The following WNK2 variants were observed in gnomAD, a reference collection of about 807,000 sequenced individuals.
WNK2 encodes the protein serine/threonine-protein kinase WNK2.
In WNK2, 67 loss-of-function variants were observed where a neutral mutation model predicts 192.1. The ratio of observed to expected loss-of-function variants is 0.35; its 90% CI spans 0.29 to 0.43. The LOEUF is 0.43. Among genes scored for constraint, WNK2 ranks in the 20% least tolerant of loss-of-function variants. WNK2 has a pLI of 1.00. For missense variants in WNK2, 2,698 were observed against 3,089.7 expected (o/e 0.87, Z 3.01); for synonymous variants, 1,439 against 1,393.9 (o/e 1.03, Z -0.72).
intron 2 of WNK2, among the ~76,000 whole-genome samples, chr9:93,202,364 G>GTGTGTGTGTGTGTGTGTGTGTA (rs576221975): frequency 6.8e-5 from 10 of 146,076 alleles, no homozygotes; most frequent in African/African-American, 2.3e-4. Context: ...GTGTGTGTGT[G>GTGTGTGTGTGTGTGTGTGTGTA]TGTATGTCTC....
At chr9:93,317,698 T>C in intron 29 of WNK2, 67 bp downstream of exon 29, 3 of 1,555,966 alleles carry the variant, frequency 1.9e-6, no homozygotes, top group Non-Finnish European at 2.6e-6. Flanking sequence ...AGAGGCCTGC[T>C]CCCAGCTCCA....
At chr9:93,188,586 G>A (rs956923989) in intron 2 of WNK2, among the ~76,000 whole-genome samples, 1 of 152,204 alleles carries the variant, frequency 6.6e-6, no homozygotes, top group Non-Finnish European at 1.5e-5. Context: ...ATGGTAACAA[G>A]GAAGTAAAAC....
intron 2 of WNK2, among the ~76,000 whole-genome samples, chr9:93,198,931 C>A (rs1366076841): frequency 6.6e-6 from 1 of 152,184 alleles, no homozygotes; most frequent in Non-Finnish European, 1.5e-5. Context: ...TCGGGGCCTC[C>A]TCGGGTGTGA....
rs1175715204 is a variant in WNK2 at position 93,268,883 on chromosome 9, A to C, written c.4033+137A>C. 8 of 1,571,268 alleles carry C rather than the reference A, an allele frequency of 5.1e-6. No homozygotes were observed. In the East Asian group the frequency reaches 1.9e-4, roughly 37 times the overall value. ...CCCTGCCCTGTCTCCCATGGCGCAG[A>C]GCAGCCTGTGGGGCTGTGTTCCTAT... On this transcript the variant is annotated intron_variant, in intron 19 of 29. Transcript: ENST00000427277.
chr9:93,255,353 A>G (rs1472655730), intron 9 of WNK2, among the ~76,000 whole-genome samples: 2 of 152,184 alleles, frequency 1.3e-5, no homozygotes, highest in Non-Finnish European at 2.9e-5. Context: ...CCAGGCTGCC[A>G]GGCCCTGCCC....
chr9:93,276,434 A>G (rs1846888271), intron 19 of WNK2, among the ~76,000 whole-genome samples: 1 of 152,252 alleles, frequency 6.6e-6, no homozygotes, highest in Admixed American at 6.5e-5. Context: ...TCAAAACTTA[A>G]TTCAAAGTGG....
At chr9:93,268,536 A>C in intron 18 of WNK2, 91 bp from the exon 19 acceptor site, 2 of 1,542,340 alleles carry the variant, frequency 1.3e-6, no homozygotes, top group Non-Finnish European at 8.8e-7. Flanking sequence ...TCACAGACCC[A>C]CTGTGGCAAG....
At chr9:93,212,005 A>G (rs1206851107) in intron 2 of WNK2, among the ~76,000 whole-genome samples, 1 of 152,054 alleles carries the variant, frequency 6.6e-6, no homozygotes, top group Non-Finnish European at 1.5e-5. Context: ...TCACGCACTC[A>G]TTCACACACT....
intron 2 of WNK2, among the ~76,000 whole-genome samples, chr9:93,207,760 C>G (rs751395599): frequency 6.6e-6 from 1 of 152,250 alleles, no homozygotes; most frequent in East Asian, 1.9e-4. Flanking sequence ...CGCTTGCTGC[C>G]GGCACCCACG....
chr9:93,227,776 A>G (rs1328188046), intron 2 of WNK2, among the ~76,000 whole-genome samples: 1 of 152,158 alleles, frequency 6.6e-6, no homozygotes, highest in Non-Finnish European at 1.5e-5. Flanking sequence ...CTGGGACTAC[A>G]GGTGTGAGCC....
At chr9:93,226,215 G>GCCCT (rs1246690631) in intron 2 of WNK2, among the ~76,000 whole-genome samples, 1 of 152,218 alleles carries the variant, frequency 6.6e-6, no homozygotes, top group Non-Finnish European at 1.5e-5. Context: ...CACTAGAACA[G>GCCCT]CCCTGGAGGT....
rs751092151 is a variant in WNK2, at chr9:93,289,114, G to A, written c.4360G>A (p.Ala1454Thr). ...TGTGCAGCCCCTCGTGGTGGGCCTAGCACCTTGCACTCCAGCTCCAGAGGC... is the reference window on the plus strand; with the variant it reads ...TGTGCAGCCCCTCGTGGTGGGCCTAACACCTTGCACTCCAGCTCCAGAGGC... ...LAVQPLVVGL[A>T]PCTPAPEAAS... The change falls in exon 20 of 30, where the codon GCA becomes ACA. Residue 1454 changes from alanine (A) to threonine (T), a missense_variant. By Grantham distance (58) the Ala-to-Thr change is moderately conservative. Transcript: ENST00000427277. The A allele has an allele frequency of 8.1e-6, 13 of 1,605,566 alleles. No individual in the cohort carries two copies. In the South Asian group the frequency reaches 1.4e-4, roughly 18 times the overall value.
At chr9:93,305,381 A>G (rs1278333459) in intron 26 of WNK2, among the ~76,000 whole-genome samples, 1 of 152,218 alleles carries the variant, frequency 6.6e-6, no homozygotes, top group East Asian at 1.9e-4. Context: ...TGAGTGAGCC[A>G]TTGAGGGGAT....
chr9:93,235,171 C>T (rs1485946974), intron 5 of WNK2, among the ~76,000 whole-genome samples: 1 of 152,168 alleles, frequency 6.6e-6, no homozygotes, highest in Non-Finnish European at 1.5e-5. Flanking sequence ...CTCAAGGTCT[C>T]CTACCTGAAG....
At chr9:93,255,698 C>T (rs1185627931) in intron 9 of WNK2, among the ~76,000 whole-genome samples, 1 of 152,224 alleles carries the variant, frequency 6.6e-6, no homozygotes, top group Non-Finnish European at 1.5e-5. Context: ...CAGCAAGACA[C>T]TTCCCCTGTA....
intron 12 of WNK2, among the ~76,000 whole-genome samples, chr9:93,261,558 G>C (rs1844251070): frequency 6.6e-6 from 1 of 152,238 alleles, no homozygotes; most frequent in South Asian, 2.1e-4. Context: ...CAGGTTCATA[G>C]ACGGAGCCCC....
intron 10 of WNK2, 89 bp from the exon 11 acceptor site, chr9:93,256,859 A>G: frequency 8.1e-7 from 1 of 1,237,904 alleles, no homozygotes; most frequent in Non-Finnish European, 1.1e-6. Context: ...TGTGAGGGTG[A>G]GGGTTGATAT....
intron 13 of WNK2, 118 bp from the exon 14 acceptor site, chr9:93,262,552 G>T: frequency 9.1e-7 from 1 of 1,095,492 alleles, no homozygotes; most frequent in Non-Finnish European, 1.4e-6. Flanking sequence ...GCAGGAGAAC[G>T]CAGCGGGGCA....
At chr9:93,192,071 T>G (rs1260510492) in intron 2 of WNK2, among the ~76,000 whole-genome samples, 6 of 146,064 alleles carry the variant, frequency 4.1e-5, no homozygotes, top group African/African-American at 1.5e-4. Context: ...ATCCCAGCAC[T>G]TTGGGAGGCC....
Sources: gnomAD v4.1 joint callset for allele counts (sites outside exome capture counted in the v4.1 genomes callset) on GRCh38, gnomAD v4.1.1 for gene constraint, MANE v1.5 for transcripts, NCBI Gene and HGNC (gene_info 2026-07-23, HGNC 2026-07-21) for gene names.